Variants in ACP1 observed in about 807,000 individuals in gnomAD.
The protein encoded by ACP1 is low molecular weight phosphotyrosine protein phosphatase.
A neutral mutation model predicts 23.4 loss-of-function variants in ACP1; 23 were observed. The ratio of observed to expected loss-of-function variants is 0.98; its 90% CI spans 0.71 to 1.39. The LOEUF is 1.39. Among genes scored for constraint, ACP1 ranks in the 40% most tolerant of loss-of-function variants. The pLI, the probability that ACP1 is intolerant of heterozygous loss-of-function variation, is 0.00. For synonymous variants in ACP1, 72 were observed against 67.2 expected (o/e 1.07, Z -0.35); for missense variants, 180 against 197.7 (o/e 0.91, Z 0.54).
intron 1 of ACP1, among the ~76,000 whole-genome samples, chr2:270,683 A>G (rs1670004039): frequency 6.6e-6 from 1 of 152,022 alleles, no homozygotes; most frequent in African/African-American, 2.4e-5. Flanking sequence ...CGAAAACCCC[A>G]ATAAAACCTC....
chr2:271,627 A>G lies in ACP1; in HGVS notation c.44-239A>G, dbSNP rs140244470. Reference sequence around the variant, plus strand: ...AAATTGTTTTTCTGATATCTTTGTCATCTGTACTTGGAGTACTTGGCTGGT... The same window carrying G: ...AAATTGTTTTTCTGATATCTTTGTCGTCTGTACTTGGAGTACTTGGCTGGT... On this transcript the variant is annotated intron_variant, in intron 1 of 5. Coordinates refer to ENST00000272065, the MANE Select transcript of ACP1 (RefSeq NM_004300.4). 5.4e-3 allele frequency among the ~76,000 whole-genome samples: 825 copies of G among 152,270 alleles called. 2 individuals carry two copies. Among genetic ancestry groups the G allele is most frequent in the Middle Eastern group, 0.017 (5 of 294 alleles).
chr2:270,144 T>C (rs1250034753), intron 1 of ACP1, among the ~76,000 whole-genome samples: 5 of 152,218 alleles, frequency 3.3e-5, no homozygotes, highest in African/African-American at 7.2e-5. Flanking sequence ...TTTTGGTAAC[T>C]TGTAGGAAGG....
In ACP1 at chr2:265,000, G is replaced by T. The variant is rs1363923286; in HGVS notation, c.36G>T (p.Val12=). The T allele has an allele frequency of 2.5e-6, 4 of 1,613,414 alleles. No individual in the cohort carries two copies. The highest frequency in any genetic ancestry group is 1.3e-5 in the African/African-American group (1 of 74,824). The change falls in exon 1 of 6, where the codon GTG becomes GTT. Residue 12 remains valine (V), a synonymous_variant. Coordinates refer to ENST00000272065, the MANE Select transcript of ACP1 (RefSeq NM_004300.4). ...AGGCTACCAAGTCCGTGCTGTTTGTGTGTCTGGGTAAGAGGGCGCCGACTT... is the reference window on the plus strand; with the variant it reads ...AGGCTACCAAGTCCGTGCTGTTTGTTTGTCTGGGTAAGAGGGCGCCGACTT... The part of the protein sequence containing the change: ...AEQATKSVLF[V]CLGNICRSPI...
At position 264,961 on chromosome 2, in the gene ACP1, G is replaced by T. The variant is rs1388043464; in HGVS notation, c.-4G>T. ...GGTGTCTCGGCGCCTCTGCGCGCGG[G>T]AAGATGGCGGAACAGGCTACCAAGT... On this transcript the variant is annotated 5_prime_UTR_variant, in exon 1 of 6. Transcript: ENST00000272065. 1.9e-6 allele frequency: 3 copies of T among 1,612,600 alleles called. No individual in the cohort carries two copies. The highest frequency in any genetic ancestry group is 1.7e-6 in the Non-Finnish European group (2 of 1,179,334).
At chr2:272,258 A>G (rs755461358) in intron 3 of ACP1, 108 bp downstream of exon 3, 2 of 1,614,184 alleles carry the variant, frequency 1.2e-6, no homozygotes, top group Admixed American at 1.7e-5. Flanking sequence ...AAGAGCTGTG[A>G]GCTGCCTAAG....
chr2:266,810 A>G (rs979064721), intron 1 of ACP1, among the ~76,000 whole-genome samples: 2 of 151,656 alleles, frequency 1.3e-5, no homozygotes, highest in African/African-American at 2.4e-5. Flanking sequence ...TTTTCTTTCC[A>G]TAAGAAGTCA....
intron 1 of ACP1, among the ~76,000 whole-genome samples, chr2:266,845 G>A (rs138936252): frequency 3.7e-4 from 56 of 152,026 alleles, no homozygotes; most frequent in African/African-American, 1.2e-3. Flanking sequence ...TTTACTTAAG[G>A]GTAGTGCTTA....
rs1466397329 is a variant in ACP1, at chr2:276,925, C to T, written c.294-55C>T. 6 of 1,085,990 alleles carry T rather than the reference C, an allele frequency of 5.5e-6. No homozygotes were observed. In the East Asian group the frequency reaches 1.2e-4, roughly 21 times the overall value. The allele number at this position is 1,085,990 out of a possible 1,614,324, so 67.3% of individuals were successfully genotyped here. On this transcript the variant is annotated intron_variant, in intron 4 of 5. Transcript: ENST00000272065. ...TTTCAGAACACCCTAGCAGATGTCC[C>T]TGTTTAACTTGAAACCATAGATCAG...
rs774881901 is a variant in ACP1, at chr2:269,265, A to G, written c.44-2601A>G. 9.4e-5 allele frequency: 44 copies of G among 469,162 alleles called. 2 individuals carry two copies. The highest frequency in any genetic ancestry group is 5.8e-4 in the South Asian group (37 of 63,972). The allele number at this position is 469,162 out of a possible 1,614,324, so 29.1% of individuals were successfully genotyped here. On this transcript the variant is annotated intron_variant, in intron 1 of 5. Transcript: ENST00000272065. ...CAAATTAGCATATAGAGGGTATTCA[A>G]GGCTAATTTGTTGTCTTTCCCTTTA...
chr2:266,623 C>A (rs563965668), intron 1 of ACP1, among the ~76,000 whole-genome samples: 292 of 152,332 alleles, frequency 1.9e-3, no homozygotes, highest in South Asian at 8.1e-3. Flanking sequence ...TCGTTTCTTA[C>A]ACCCACAAAT....
rs1670227511 is a variant in ACP1 at position 278,123 on chromosome 2, A to G, written c.*819A>G. On this transcript the variant is annotated 3_prime_UTR_variant, in exon 6 of 6. Transcript: ENST00000272065. ...AATTTTAAAAGTTGGGAAAAGTGTT[A>G]TTATTTGGCATGCTTAAATATTGAA... is the stretch of plus-strand genomic sequence containing the variant. 6.6e-6 allele frequency: 1 copy of G among 152,112 alleles called. No homozygotes were observed. Among genetic ancestry groups the G allele is most frequent in the East Asian group, 1.9e-4 (1 of 5,198 alleles). The allele number at this position is 152,112 out of a possible 1,614,324, so 9.4% of individuals were successfully genotyped here.
chr2:273,615 A>G (rs1670101317), intron 3 of ACP1, among the ~76,000 whole-genome samples: 1 of 152,132 alleles, frequency 6.6e-6, no homozygotes, highest in Admixed American at 6.5e-5. Context: ...CTGGTTTTTT[A>G]TATGGCGTTT....
rs746395034 is a variant in ACP1 at position 272,018 on chromosome 2, C to T, written c.118-19C>T. On this transcript the variant is annotated intron_variant, in intron 2 of 5. Coordinates refer to ENST00000272065, the MANE Select transcript of ACP1 (RefSeq NM_004300.4). ...AATTGCAAAAAAAAAAAAAAAATTC[C>T]ATGTTTCTTCCCCTGCAGTGGAGGG... 57 of 1,601,050 alleles carry T rather than the reference C, an allele frequency of 3.6e-5. No individual in the cohort carries two copies. Among genetic ancestry groups the T allele is most frequent in the Non-Finnish European group, 4.6e-5 (54 of 1,172,552 alleles).
At chr2:270,372 C>T (rs1476605042) in intron 1 of ACP1, among the ~76,000 whole-genome samples, 1 of 152,160 alleles carries the variant, frequency 6.6e-6, no homozygotes, top group East Asian at 1.9e-4. Context: ...GCTCTCTGTA[C>T]CTGAAGCATC....
chr2:272,202 A>G lies in ACP1; in HGVS notation c.231+52A>G, dbSNP rs1670061744. The stretch of plus-strand genomic sequence containing the variant: ...TGTTTTGTGTTTCAGTGGGTCATTG[A>G]CAGCGGTGCTGTTTCTGACTGGAAC... On this transcript the variant is annotated intron_variant, in intron 3 of 5. Transcript: ENST00000272065. 5.0e-6 allele frequency: 8 copies of G among 1,614,020 alleles called. No individual in the cohort carries two copies. In the South Asian group the frequency reaches 8.8e-5, roughly 18 times the overall value.
In ACP1 at chr2:264,982, C is replaced by A. The variant is rs147831354; in HGVS notation, c.18C>A (p.Thr6=). ...GCGGGAAGATGGCGGAACAGGCTAC[C>A]AAGTCCGTGCTGTTTGTGTGTCTGG... MAEQA[T]KSVLFVCLGN... Residue 6 remains threonine, a synonymous_variant, in exon 1 of 6, where the codon ACC becomes ACA. Coordinates refer to ENST00000272065, the MANE Select transcript of ACP1 (RefSeq NM_004300.4). 3 of 1,613,038 alleles carry A rather than the reference C, an allele frequency of 1.9e-6. No individual in the cohort carries two copies. The highest frequency in any genetic ancestry group is 3.3e-5 in the Admixed American group (2 of 59,944).
rs1461939718 is a variant in ACP1 at position 278,181 on chromosome 2, T to C, written c.*877T>C. 1 of 152,258 alleles carries C rather than the reference T, an allele frequency of 6.6e-6. No individual in the cohort carries two copies. Among genetic ancestry groups the C allele is most frequent in the Non-Finnish European group, 1.5e-5 (1 of 68,044 alleles). The allele number at this position is 152,258 out of a possible 1,614,324, so 9.4% of individuals were successfully genotyped here. ...TCTTCATCAGCATTTAATAAATGTATAGGCAGATGTAAGGTAATTTCTGTG... is the reference window on the plus strand; with the variant it reads ...TCTTCATCAGCATTTAATAAATGTACAGGCAGATGTAAGGTAATTTCTGTG... On this transcript the variant is annotated 3_prime_UTR_variant, in exon 6 of 6. Transcript: ENST00000272065.
intron 1 of ACP1, chr2:265,319 C>G: frequency 2.9e-6 from 1 of 342,954 alleles, no homozygotes. Flanking sequence ...TCGTTCCCCT[C>G]CAATGGGCCC....
intron 4 of ACP1, among the ~76,000 whole-genome samples, chr2:275,912 T>C (rs1670156907): frequency 6.6e-6 from 1 of 152,248 alleles, no homozygotes; most frequent in Non-Finnish European, 1.5e-5. Flanking sequence ...AATGAACAGA[T>C]AGGGATGCAC....
Sources: allele counts gnomAD v4.1 joint callset (sites outside exome capture counted in the v4.1 genomes callset), GRCh38; gene constraint gnomAD v4.1.1; transcripts MANE v1.5; gene names NCBI Gene and HGNC (gene_info 2026-07-23, HGNC 2026-07-21).